Variants in FRMPD4 observed in about 807,000 individuals in gnomAD.
The protein encoded by FRMPD4 is FERM and PDZ domain-containing protein 4.
In FRMPD4, 22 loss-of-function variants were observed where a neutral mutation model predicts 94.1. The ratio of observed to expected loss-of-function variants is 0.23; its 90% CI spans 0.17 to 0.33. The LOEUF (loss-of-function observed/expected upper bound fraction) is 0.33, where lower values mean the gene tolerates loss of function less well. Ranked by LOEUF, FRMPD4 falls within the 10% of genes least tolerant of loss-of-function variation. The pLI is 1.00. For synonymous variants in FRMPD4, 631 were observed against 548.6 expected (o/e 1.15, Z -2.10); for missense variants, 1,111 against 1,339.9 (o/e 0.83, Z 2.67).
At chrX:11,884,288 A>G (rs2053832050) in intron 3 of FRMPD4, among the ~76,000 whole-genome samples, 1 of 112,281 alleles carries the variant, frequency 8.9e-6, no homozygotes. Context: ...TATATTCAAT[A>G]AAGAATTACA....
At chrX:12,479,649 G>T (rs1248798274) in intron 1 of FRMPD4, among the ~76,000 whole-genome samples, 1 of 107,309 alleles carries the variant, frequency 9.3e-6, no homozygotes, top group Non-Finnish European at 1.9e-5. Context: ...CTACAGTTGC[G>T]CCATGCCTGG....
intron 3 of FRMPD4, among the ~76,000 whole-genome samples, chrX:12,082,595 A>C (rs1419034973): frequency 8.9e-6 from 1 of 111,918 alleles, no homozygotes; most frequent in Non-Finnish European, 1.9e-5. Context: ...ACTGGGTAAC[A>C]GGCAGAGGTT....
At chrX:11,884,050 G>T (rs1479366981) in intron 3 of FRMPD4, among the ~76,000 whole-genome samples, 1 of 111,491 alleles carries the variant, frequency 9.0e-6, no homozygotes, top group Non-Finnish European at 1.9e-5. Context: ...GTGGAGTTGG[G>T]ACAAGGTGGG....
chrX:12,446,563 A>T (rs111373450), intron 1 of FRMPD4, among the ~76,000 whole-genome samples: 5 of 111,263 alleles, frequency 4.5e-5, no homozygotes, highest in African/African-American at 1.6e-4. Flanking sequence ...TAATGGAATC[A>T]TGGGGGTGGT....
chrX:12,245,139 G>C (rs2053936264), intron 1 of FRMPD4, among the ~76,000 whole-genome samples: 2 of 112,034 alleles, frequency 1.8e-5, no homozygotes, highest in Admixed American at 1.9e-4. Context: ...TCCCAAACCT[G>C]CATATGTTGA....
chrX:12,085,208 T>C (rs1404656236), intron 3 of FRMPD4, among the ~76,000 whole-genome samples: 1 of 112,212 alleles, frequency 8.9e-6, no homozygotes, highest in Non-Finnish European at 1.9e-5. Flanking sequence ...GGATCTACCA[T>C]ACGGCAATTA....
chrX:12,480,429 A>C (rs909914654), intron 1 of FRMPD4, among the ~76,000 whole-genome samples: 8 of 108,648 alleles, frequency 7.4e-5, no homozygotes, highest in South Asian at 4.1e-4. Flanking sequence ...AAAATATTGG[A>C]TATCACTGGG....
chrX:12,656,236 A>G (rs1003711648), intron 4 of FRMPD4, among the ~76,000 whole-genome samples: 5 of 112,225 alleles, frequency 4.5e-5, no homozygotes, highest in African/African-American at 1.6e-4. Flanking sequence ...GAGTTCATAG[A>G]GTTAGAGATG....
At chrX:12,129,263 G>A (rs1293418424) in intron 3 of FRMPD4, among the ~76,000 whole-genome samples, 1 of 111,621 alleles carries the variant, frequency 9.0e-6, no homozygotes, top group African/African-American at 3.3e-5. Flanking sequence ...GCATGGTTGG[G>A]GAGGCCTCAG....
rs1446766231 is a variant in FRMPD4, at chrX:12,436,179, TATTTTTAGTGGACA to T, written c.42-62500_42-62487del. Reference sequence around the variant, plus strand: ...CGCCATCACATCTGGCTAATTTTTGTATTTTTAGTGGACACGGGTTTCATCATGTTGGCCTGAGC... The same window carrying T: ...CGCCATCACATCTGGCTAATTTTTGTCGGGTTTCATCATGTTGGCCTGAGC... On this transcript the variant is annotated intron_variant, in intron 1 of 16. Coordinates refer to ENST00000675598, the MANE Select transcript of FRMPD4 (RefSeq NM_001368397.1). Among the ~76,000 whole-genome samples, 41 of 111,131 alleles carry T rather than the reference TATTTTTAGTGGACA, an allele frequency of 3.7e-4. 1 individual carries two copies. The East Asian group carries it at 0.011, about 30-fold the overall frequency.
At chrX:12,466,795 C>T (rs1278121207) in intron 1 of FRMPD4, among the ~76,000 whole-genome samples, 1 of 112,032 alleles carries the variant, frequency 8.9e-6, no homozygotes, top group Admixed American at 9.5e-5. Context: ...GCTCCTGCTT[C>T]CTAAAAGAAT....
intron 14 of FRMPD4, among the ~76,000 whole-genome samples, chrX:12,712,747 TAGG>T (rs988501879): frequency 4.5e-5 from 5 of 111,510 alleles, no homozygotes; most frequent in Non-Finnish European, 7.5e-5. Flanking sequence ...TTCATTGAGC[TAGG>T]AGATTTAGAG....
intron 1 of FRMPD4, among the ~76,000 whole-genome samples, chrX:12,375,607 T>C (rs769140531): frequency 9.8e-5 from 11 of 112,503 alleles, no homozygotes; most frequent in African/African-American, 3.5e-4. Flanking sequence ...ATTGTAGCCA[T>C]CCATATAATC....
In FRMPD4 at chrX:12,427,961, G is replaced by A. The variant is rs190792297; in HGVS notation, c.42-70719G>A. ...GTCTCACTGTGTCTCCCACACTGGAGTGCAGTGGCGCGATCTCGGCTCACT... is the reference window on the plus strand; with the variant it reads ...GTCTCACTGTGTCTCCCACACTGGAATGCAGTGGCGCGATCTCGGCTCACT... On this transcript the variant is annotated intron_variant, in intron 1 of 16. Coordinates refer to ENST00000675598, the MANE Select transcript of FRMPD4 (RefSeq NM_001368397.1). Among the ~76,000 whole-genome samples, 44 of 84,930 alleles carry A rather than the reference G, an allele frequency of 5.2e-4. 1 individual carries two copies. Among genetic ancestry groups the A allele is most frequent in the African/African-American group, 2.0e-3 (43 of 21,155 alleles). The allele number at this position is 84,930 out of a possible 115,157, so 73.8% of individuals were successfully genotyped here.
Position 12,230,994 on chromosome X carries a change from G to A in FRMPD4, c.41+91982G>A, listed in dbSNP as rs58594726. ...TATAGTAATATATATAGTATATATA[G>A]TATATATAATATATAGTATATATAG... On this transcript the variant is annotated intron_variant, in intron 1 of 16. Transcript: ENST00000675598. Among the ~76,000 whole-genome samples the A allele has an allele frequency of 9.4e-4, 28 of 29,943 alleles. 1 individual carries two copies. Among genetic ancestry groups the A allele is most frequent in the East Asian group, 8.5e-3 (9 of 1,058 alleles). 26.0% of individuals were successfully genotyped at this position (29,943 alleles called of 115,157 possible).
chrX:12,377,798 C>G (rs2056260278), intron 1 of FRMPD4, among the ~76,000 whole-genome samples: 1 of 112,583 alleles, frequency 8.9e-6, no homozygotes. Context: ...TAAGCTAGCC[C>G]TGTAATAAAA....
At chrX:12,058,832 G>A (rs897037830) in intron 3 of FRMPD4, among the ~76,000 whole-genome samples, 2 of 110,000 alleles carry the variant, frequency 1.8e-5, no homozygotes, top group African/African-American at 3.3e-5. Flanking sequence ...ACTGGGGGAC[G>A]GGTTGCTTCT....
intron 3 of FRMPD4, among the ~76,000 whole-genome samples, chrX:12,009,655 C>T (rs775467634): frequency 1.3e-4 from 15 of 111,818 alleles, no homozygotes; most frequent in South Asian, 3.7e-4. Flanking sequence ...TTCTCACTTA[C>T]GGTTTAATCT....
At chrX:11,870,537 G>A (rs182333843) in intron 2 of FRMPD4, among the ~76,000 whole-genome samples, 3 of 111,644 alleles carry the variant, frequency 2.7e-5, no homozygotes, top group African/African-American at 9.8e-5. Flanking sequence ...ATACTGTGCT[G>A]CCTCCCAGAC....
Sources: gnomAD v4.1 joint callset for allele counts (sites outside exome capture counted in the v4.1 genomes callset) on GRCh38, gnomAD v4.1.1 for gene constraint, MANE v1.5 for transcripts, NCBI Gene and HGNC (gene_info 2026-07-23, HGNC 2026-07-21) for gene names.